Variants in PTPRH observed in about 807,000 individuals in gnomAD.
PTPRH encodes the protein receptor-type tyrosine-protein phosphatase H.
A neutral mutation model predicts 130.2 loss-of-function variants in PTPRH; 113 were observed. The observed-to-expected ratio is 0.87, with a 90% confidence interval of 0.75 to 1.01. PTPRH has a LOEUF of 1.01. PTPRH is among the 50% of genes least tolerant of loss of function. The pLI is 0.00. For missense variants in PTPRH, 1,430 were observed against 1,425.0 expected, an observed-to-expected ratio of 1.00 and a Z score of -0.06; for synonymous variants, 556 against 577.9, an observed-to-expected ratio of 0.96 and a Z score of 0.54.
At chr19:55,186,155 G>A (rs2086317802) in intron 16 of PTPRH, 70 bp downstream of exon 16, 3 of 1,573,744 alleles carry the variant, frequency 1.9e-6, no homozygotes, top group African/African-American at 1.3e-5. Flanking sequence ...CTGGGTGTGG[G>A]GTCTACATTG....
intron 12 of PTPRH, among the ~76,000 whole-genome samples, chr19:55,188,775 T>C (rs1007881425): frequency 1.3e-5 from 2 of 152,254 alleles, no homozygotes; most frequent in East Asian, 1.9e-4. Context: ...GTGCCTGCCT[T>C]TTCTCCTGGA....
intron 12 of PTPRH, among the ~76,000 whole-genome samples, chr19:55,188,507 C>G (rs574492333): frequency 6.6e-6 from 1 of 151,790 alleles, no homozygotes; most frequent in African/African-American, 2.4e-5. Context: ...GGCGAGACTC[C>G]GTCTCAAAAA....
rs541245243 is a variant in PTPRH at position 55,189,815 on chromosome 19, C to T, written c.2385-1647G>A. 551 of 440,922 alleles carry T rather than the reference C, an allele frequency of 1.2e-3. 5 individuals are homozygous for T. Among genetic ancestry groups the T allele is most frequent in the African/African-American group, 9.8e-3 (481 of 49,036 alleles). 27.3% of individuals were successfully genotyped at this position (440,922 alleles called of 1,614,324 possible). A position where few individuals can be genotyped will look rare whatever the true frequency, so the allele number is the denominator to read the frequency against. On this transcript the variant is annotated intron_variant, in intron 12 of 19. Coordinates refer to ENST00000376350, the MANE Select transcript of PTPRH (RefSeq NM_002842.5). ...GGGCAACCTGGTAAGACCACCCCCC[C>T]GACCTCCATCTCTACAAAAAATTAA...
rs374566236 is a variant in PTPRH, at chr19:55,188,137, C to T, written c.2416G>A (p.Ala806Thr). ...CTCTCATTCTTCCTGACGTGGTCAG[C>T]GAAGTCTTCAGCTGGGATGTCCCCT... is the stretch of plus-strand genomic sequence containing the variant. The part of the protein sequence containing the change: ...SPGDIPAEDF[A>T]DHVRKNERDS... The change falls in exon 13 of 20, where the codon GCT becomes ACT. Residue 806 changes from alanine (A) to threonine (T), a missense_variant. Transcript: ENST00000376350. 44 of 1,614,050 alleles carry T rather than the reference C, an allele frequency of 2.7e-5. No individual in the cohort carries two copies. The East Asian group carries it at 4.9e-4, about 18-fold the overall frequency.
chr19:55,185,722 G>C, intron 17 of PTPRH, 60 bp from the exon 18 acceptor site: 1 of 1,598,366 alleles, frequency 6.3e-7, no homozygotes, highest in Non-Finnish European at 8.5e-7. Flanking sequence ...CTGGCTTCTA[G>C]CACCAGGAGC....
chr19:55,200,315 G>A lies in PTPRH; in HGVS notation c.1341C>T (p.Pro447=), dbSNP rs746282229. The change falls in exon 7 of 20, where the codon CCC becomes CCT. Residue 447 remains proline, a synonymous_variant. Coordinates refer to ENST00000376350, the MANE Select transcript of PTPRH (RefSeq NM_002842.5). ...NTSVTAERLE[P]GTLYTFSVWA... ...ATACAGAGAATGTGTACAAGGTTCC[G>A]GGCTCAAGTCTCTCAGCTGTCACAC... 1.1e-5 allele frequency: 17 copies of A among 1,614,152 alleles called. 1 individual carries two copies. Among genetic ancestry groups the A allele is most frequent in the Middle Eastern group, 3.3e-4 (2 of 6,062 alleles).
Position 55,182,023 on chromosome 19 carries a change from T to TG in PTPRH, c.3190dup (p.Gln1064ProfsTer3). ...GCTGAGGGACTGCCTCACCTCAGTC[T>TG]GCACCATCAACGGCCGACTCTCTCT... On this transcript the variant is annotated frameshift_variant, in exon 19 of 20. Coordinates refer to ENST00000376350, the MANE Select transcript of PTPRH (RefSeq NM_002842.5). LOFTEE classifies it low-confidence loss of function (END_TRUNC). 6.2e-7 allele frequency: 1 copy of TG among 1,614,142 alleles called. No individual in the cohort carries two copies. Among genetic ancestry groups the TG allele is most frequent in the Non-Finnish European group, 8.5e-7 (1 of 1,180,018 alleles).
At chr19:55,197,060 G>T (rs1357794691) in intron 9 of PTPRH, 57 bp downstream of exon 9, 3 of 1,571,176 alleles carry the variant, frequency 1.9e-6, no homozygotes, top group African/African-American at 1.4e-5. Flanking sequence ...CTCTCAGCTC[G>T]CAAGGACTGT....
intron 5 of PTPRH, 53 bp downstream of exon 5, chr19:55,203,729 C>G (rs1300634891): frequency 3.2e-6 from 5 of 1,549,954 alleles, no homozygotes; most frequent in South Asian, 1.2e-5. Flanking sequence ...CCAACCACCC[C>G]CTACCACTGT....
chr19:55,195,161 T>C (rs1446211294), intron 10 of PTPRH, among the ~76,000 whole-genome samples: 1 of 151,752 alleles, frequency 6.6e-6, no homozygotes, highest in East Asian at 1.9e-4. Flanking sequence ...CCCATCTCTA[T>C]TAAAAGTATA....
At chr19:55,185,700 T>C (rs760944646) in intron 17 of PTPRH, 38 bp from the exon 18 acceptor site, 2 of 1,607,412 alleles carry the variant, frequency 1.2e-6, no homozygotes, top group Non-Finnish European at 1.7e-6. Context: ...TGGAGATGAA[T>C]GTAGGGAGGA....
Position 55,181,879 on chromosome 19 carries a change from A to G in PTPRH, c.3223T>C (p.Cys1075Arg). 6.2e-7 allele frequency: 1 copy of G among 1,614,200 alleles called. No individual in the cohort carries two copies. The highest frequency in any genetic ancestry group is 2.2e-5 in the East Asian group (1 of 44,894). ...TEAQYVFLHQ[C>R]ILRFLQQSAQ... Reference sequence around the variant, plus strand: ...GACTGTTGGAGGAACCGCAGGATGCACTGATGCAGGAATACGTACTGAGCC... The same window carrying G: ...GACTGTTGGAGGAACCGCAGGATGCGCTGATGCAGGAATACGTACTGAGCC... The change falls in exon 20 of 20, where the codon TGC becomes CGC. Residue 1075 changes from cysteine to arginine, a missense_variant. By Grantham distance (180) the Cys-to-Arg change is radical. Transcript: ENST00000376350.
chr19:55,200,392 C>T lies in PTPRH; in HGVS notation c.1264G>A (p.Glu422Lys), dbSNP rs994042021. 6.2e-7 allele frequency: 1 copy of T among 1,614,198 alleles called. No homozygotes were observed. The highest frequency in any genetic ancestry group is 1.1e-5 in the South Asian group (1 of 91,082). ...PYPQDYTYWV[E>K]YTGDGGGTET... is the part of the protein sequence containing the mutation. ...GTGCCACCACCGTCTCCAGTGTACT[C>T]TACCCAGTAGGTGTAGTCCTGAGGG... Residue 422 changes from glutamate to lysine, a missense_variant, in exon 7 of 20, where the codon GAG becomes AAG. Coordinates refer to ENST00000376350, the MANE Select transcript of PTPRH (RefSeq NM_002842.5).
chr19:55,207,132 G>C, intron 2 of PTPRH, 34 bp downstream of exon 2: 8 of 1,611,668 alleles, frequency 5.0e-6, no homozygotes, highest in East Asian at 2.2e-5. Context: ...CCACCTCTTC[G>C]AGTGGGCAGT....
chr19:55,186,138 G>A (rs145455572), intron 16 of PTPRH, 87 bp downstream of exon 16: 114 of 1,569,266 alleles, frequency 7.3e-5, no homozygotes, highest in African/African-American at 5.5e-4. Flanking sequence ...GGAGGAATCC[G>A]TAAGGTCTGG....
chr19:55,182,582 T>A (rs1336630555), intron 18 of PTPRH, among the ~76,000 whole-genome samples: 1 of 152,032 alleles, frequency 6.6e-6, no homozygotes, highest in Non-Finnish European at 1.5e-5. Flanking sequence ...TCTGTTAGGC[T>A]CTGTTCTAAG....
At position 55,191,726 on chromosome 19, in the gene PTPRH, G is replaced by C. The variant is rs61734204; in HGVS notation, c.2273C>G (p.Ala758Gly). The C allele has an allele frequency of 5.6e-6, 9 of 1,613,826 alleles. No individual in the cohort carries two copies. The highest frequency in any genetic ancestry group is 1.6e-4 in the Middle Eastern group (1 of 6,084). Residue 758 changes from alanine to glycine, a missense_variant, in exon 11 of 20, where the codon GCC becomes GGC. Ala to Gly is a moderately conservative substitution (Grantham distance 60). Transcript: ENST00000376350. The stretch of plus-strand genomic sequence containing the variant: ...GAGAAACAGGAGGATGCCCACAAAG[G>C]CTCCGGCAATGACCCCTGTGGGGAG... ...HTESAGVIAGAFVGILLFLIL... is the reference protein window; with the variant it reads ...HTESAGVIAGGFVGILLFLIL...
At chr19:55,186,607 C>G (rs1347335319) in intron 14 of PTPRH, 67 bp from the exon 15 acceptor site, 22 of 1,527,020 alleles carry the variant, frequency 1.4e-5, no homozygotes, top group Non-Finnish European at 1.9e-5. Flanking sequence ...AGACCACAGG[C>G]AGAGAGACCC....
At chr19:55,191,186 C>T (rs1015993196) in intron 12 of PTPRH, among the ~76,000 whole-genome samples, 4 of 152,178 alleles carry the variant, frequency 2.6e-5, no homozygotes, top group South Asian at 2.1e-4. Flanking sequence ...AAGCCCCTGG[C>T]GGGCAAGAAT....
Sources: allele counts gnomAD v4.1 joint callset (sites outside exome capture counted in the v4.1 genomes callset), GRCh38; gene constraint gnomAD v4.1.1; transcripts MANE v1.5; gene names NCBI Gene and HGNC (gene_info 2026-07-23, HGNC 2026-07-21).